The following TMEM163 variants were observed in gnomAD, a reference collection of about 807,000 sequenced individuals.
TMEM163 encodes the protein transmembrane protein 163.
Under a neutral mutation model 29.3 loss-of-function variants are expected in TMEM163, and 17 were observed. The observed-to-expected ratio is 0.58, with a 90% confidence interval of 0.40 to 0.87. TMEM163 has a LOEUF of 0.87. Among genes scored for constraint, TMEM163 ranks in the 40% least tolerant of loss-of-function variants. The pLI is 0.00. For missense variants in TMEM163, 303 were observed against 381.5 expected, an observed-to-expected ratio of 0.79 and a Z score of 1.71; for synonymous variants, 157 against 160.6, an observed-to-expected ratio of 0.98 and a Z score of 0.17.
intron 2 of TMEM163, among the ~76,000 whole-genome samples, chr2:134,675,589 T>C (rs1032747063): frequency 3.9e-5 from 6 of 151,922 alleles, no homozygotes; most frequent in Admixed American, 1.3e-4. Flanking sequence ...ATTCCCTGTC[T>C]GAAAAAAAAA....
intron 2 of TMEM163, among the ~76,000 whole-genome samples, chr2:134,609,560 G>T (rs113137555): frequency 1.1e-5 from 1 of 94,014 alleles, no homozygotes; most frequent in Non-Finnish European, 2.2e-5. Flanking sequence ...GACAGACCCC[G>T]AGAACTGTAC....
At chr2:134,640,552 C>G (rs1683201065) in intron 2 of TMEM163, among the ~76,000 whole-genome samples, 1 of 152,156 alleles carries the variant, frequency 6.6e-6, no homozygotes, top group South Asian at 2.1e-4. Flanking sequence ...TAGATCTCAG[C>G]AGAGGCCATC....
chr2:134,514,272 A>C (rs1157636271), intron 4 of TMEM163, among the ~76,000 whole-genome samples: 1 of 152,084 alleles, frequency 6.6e-6, no homozygotes. Flanking sequence ...CTTTGTTTCC[A>C]GAAATTCTCT....
chr2:134,596,225 C>G (rs1026172685), intron 2 of TMEM163, among the ~76,000 whole-genome samples: 9 of 152,122 alleles, frequency 5.9e-5, no homozygotes, highest in African/African-American at 1.9e-4. Context: ...AGGTTTTCTT[C>G]TAGGGTTTTT....
chr2:134,680,641 A>G (rs560042281), intron 2 of TMEM163, among the ~76,000 whole-genome samples: 2 of 152,276 alleles, frequency 1.3e-5, no homozygotes, highest in Admixed American at 6.5e-5. Context: ...TCTGACAGCT[A>G]CTTTGTATGT....
At chr2:134,630,032 C>T (rs1203927143) in intron 2 of TMEM163, among the ~76,000 whole-genome samples, 1 of 152,150 alleles carries the variant, frequency 6.6e-6, no homozygotes, top group African/African-American at 2.4e-5. Context: ...TCACCAGAAG[C>T]AATTGAATCC....
chr2:134,642,621 A>G (rs892806145), intron 2 of TMEM163, among the ~76,000 whole-genome samples: 5 of 152,242 alleles, frequency 3.3e-5, no homozygotes, highest in Admixed American at 3.3e-4. Context: ...TGGAACATTC[A>G]CTAGGATAAA....
intron 4 of TMEM163, among the ~76,000 whole-genome samples, chr2:134,531,822 C>A (rs1028616820): frequency 6.6e-5 from 10 of 152,118 alleles, no homozygotes; most frequent in Admixed American, 4.6e-4. Flanking sequence ...AACCACTGGG[C>A]ACATCAACTT....
At chr2:134,675,599 A>T (rs1684098354) in intron 2 of TMEM163, among the ~76,000 whole-genome samples, 1 of 152,182 alleles carries the variant, frequency 6.6e-6, no homozygotes, top group Admixed American at 6.5e-5. Flanking sequence ...TGAAAAAAAA[A>T]TGACTTTTAG....
intron 2 of TMEM163, among the ~76,000 whole-genome samples, chr2:134,566,369 C>A (rs906000131): frequency 1.3e-5 from 2 of 152,026 alleles, no homozygotes; most frequent in African/African-American, 2.4e-5. Context: ...CGAGACCAGC[C>A]CAGCCAATAT....
intron 5 of TMEM163, among the ~76,000 whole-genome samples, chr2:134,492,019 C>G (rs1679441097): frequency 6.6e-6 from 1 of 152,232 alleles, no homozygotes; most frequent in Non-Finnish European, 1.5e-5. Flanking sequence ...GCTGGCACTT[C>G]ATGGGTGTTT....
chr2:134,461,347 A>G lies in TMEM163; in HGVS notation c.668-3174T>C, dbSNP rs1471260233. Among the ~76,000 whole-genome samples, 7 of 152,256 alleles carry G rather than the reference A, an allele frequency of 4.6e-5. No homozygotes were observed. The East Asian group carries it at 1.4e-3, about 29-fold the overall frequency. On this transcript the variant is annotated intron_variant, in intron 6 of 7. Coordinates refer to ENST00000281924, the MANE Select transcript of TMEM163 (RefSeq NM_030923.5). ...TTGTGTGCTTGAAAGATCATCATAG[A>G]TGGGGTATTTGAGAACTGGATATGA...
At chr2:134,712,827 G>A (rs1226944706) in intron 2 of TMEM163, among the ~76,000 whole-genome samples, 1 of 152,046 alleles carries the variant, frequency 6.6e-6, no homozygotes, top group Admixed American at 6.6e-5. Context: ...CTGCAATATT[G>A]CACCCATCTT....
intron 4 of TMEM163, among the ~76,000 whole-genome samples, chr2:134,506,254 C>T (rs1383442721): frequency 6.6e-6 from 1 of 152,218 alleles, no homozygotes; most frequent in Non-Finnish European, 1.5e-5. Context: ...TCAAAACCCA[C>T]AGTCACCCCT....
chr2:134,475,899 G>A (rs1165553458), intron 5 of TMEM163, among the ~76,000 whole-genome samples: 4 of 152,138 alleles, frequency 2.6e-5, no homozygotes, highest in Non-Finnish European at 4.4e-5. Flanking sequence ...ATGTAAAATG[G>A]TACAGTCATT....
rs1046524952 is a variant in TMEM163 at position 134,502,156 on chromosome 2, T to C, written c.555+745A>G. Among the ~76,000 whole-genome samples, 4 of 152,210 alleles carry C rather than the reference T, an allele frequency of 2.6e-5. No homozygotes were observed. In the East Asian group the frequency reaches 5.8e-4, roughly 22 times the overall value. On this transcript the variant is annotated intron_variant, in intron 5 of 7. Coordinates refer to ENST00000281924, the MANE Select transcript of TMEM163 (RefSeq NM_030923.5). ...TTTTGGTCTTATATCAGATGGTGCA[T>C]GTAGCCAAGCTCACATCAAATCACA... is the stretch of plus-strand genomic sequence containing the variant.
rs1388304918 is a variant in TMEM163, at chr2:134,655,688, T to G, written c.322+57512A>C. ...CCCCATCTTTGTGGTTTTATCTACT[T>G]TTGGTCTTTGATGATGGTGATGTAC... is the stretch of plus-strand genomic sequence containing the variant. On this transcript the variant is annotated intron_variant, in intron 2 of 7. Coordinates refer to ENST00000281924, the MANE Select transcript of TMEM163 (RefSeq NM_030923.5). Among the ~76,000 whole-genome samples the G allele has an allele frequency of 1.4e-5, 2 of 141,054 alleles. 1 individual carries two copies. Among genetic ancestry groups the G allele is most frequent in the African/African-American group, 5.9e-5 (2 of 33,784 alleles). The allele number at this position is 141,054 out of a possible 152,430, so 92.5% of individuals were successfully genotyped here.
chr2:134,475,572 A>G (rs1686895469), intron 5 of TMEM163, among the ~76,000 whole-genome samples: 1 of 152,172 alleles, frequency 6.6e-6, no homozygotes, highest in Non-Finnish European at 1.5e-5. Flanking sequence ...TACAGAAAAA[A>G]AAATTGTAAA....
chr2:134,532,911 C>T (rs75106811), intron 4 of TMEM163, among the ~76,000 whole-genome samples: 1,986 of 152,314 alleles, frequency 0.013, 51 homozygotes, highest in African/African-American at 0.044. Flanking sequence ...GCCCACCATA[C>T]TTTGGGAGTG....
Sources: allele counts gnomAD v4.1 joint callset (sites outside exome capture counted in the v4.1 genomes callset), GRCh38; gene constraint gnomAD v4.1.1; transcripts MANE v1.5; gene names NCBI Gene and HGNC (gene_info 2026-07-23, HGNC 2026-07-21).